The following PRR5 variants were observed in gnomAD, a reference collection of about 807,000 sequenced individuals.
The protein encoded by PRR5 is proline rich 5, also known as proline-rich protein 5.
PRR5 carries 25 observed loss-of-function variants against 30.6 expected under a neutral mutation model. The ratio of observed to expected loss-of-function variants is 0.82; its 90% confidence interval spans 0.60 to 1.14. The LOEUF (loss-of-function observed/expected upper bound fraction) is 1.14. Ranked by LOEUF, PRR5 falls within the 50% of genes most tolerant of loss-of-function variation. PRR5 has a pLI of 0.00. For synonymous variants in PRR5, 286 were observed against 247.1 expected, an observed-to-expected ratio of 1.16 and a Z score of -1.48; for missense variants, 600 against 547.1, an observed-to-expected ratio of 1.10 and a Z score of -0.96.
intron 4 of PRR5, chr22:44,729,427 G>T (rs950543721): frequency 1.0e-6 from 1 of 985,216 alleles, no homozygotes; most frequent in African/African-American, 1.7e-5. Context: ...CTACTGCGGG[G>T]CCGCTCGCCT....
chr22:44,730,909 T>C (rs770874582), intron 4 of PRR5: 3 of 459,568 alleles, frequency 6.5e-6, no homozygotes, highest in Admixed American at 4.8e-5. Context: ...GCCCTTATGA[T>C]CCTGCTCAGT....
intron 4 of PRR5, among the ~76,000 whole-genome samples, chr22:44,727,902 T>C (rs1281740894): frequency 6.6e-6 from 1 of 152,224 alleles, no homozygotes; most frequent in East Asian, 1.9e-4. Context: ...CTGGGAAGGC[T>C]TCCTGGAGGA....
At chr22:44,696,190 C>G (rs766680195) in intron 1 of PRR5, among the ~76,000 whole-genome samples, 1 of 152,114 alleles carries the variant, frequency 6.6e-6, no homozygotes, top group African/African-American at 2.4e-5. Context: ...TCCCAAAGTG[C>G]TGGCATAACA....
At chr22:44,706,603 C>T (rs1457816957) in intron 1 of PRR5, among the ~76,000 whole-genome samples, 4 of 152,216 alleles carry the variant, frequency 2.6e-5, no homozygotes, top group African/African-American at 9.6e-5. Flanking sequence ...AATCATGGCT[C>T]AGGCAGCCTT....
chr22:44,737,286 C>T lies in PRR5; in HGVS notation c.*39C>T. On this transcript the variant is annotated 3_prime_UTR_variant, in exon 8 of 8. Coordinates refer to ENST00000336985, the MANE Select transcript of PRR5 (RefSeq NM_181333.4). ...GCCTTGAGTTTTTACTGACACGTCC[C>T]TGTGTGCGGGGGTGTCCATGTGGCG... The T allele has an allele frequency of 1.3e-6, 2 of 1,564,830 alleles. No individual in the cohort carries two copies. The highest frequency in any genetic ancestry group is 1.7e-6 in the Non-Finnish European group (2 of 1,151,998).
At position 44,714,688 on chromosome 22, in the gene PRR5, C is replaced by A; in HGVS notation, c.215+17C>A. The A allele has an allele frequency of 1.2e-6, 2 of 1,613,566 alleles. No individual in the cohort carries two copies. Among genetic ancestry groups the A allele is most frequent in the Non-Finnish European group, 1.7e-6 (2 of 1,179,860 alleles). Reference sequence around the variant, plus strand: ...GGGCGTCCGGTGAGTGCCTGTCCCACCTTGGTCCAGGGTCCTTGAGTGGCA... The same window carrying A: ...GGGCGTCCGGTGAGTGCCTGTCCCAACTTGGTCCAGGGTCCTTGAGTGGCA... On this transcript the variant is annotated intron_variant, in intron 2 of 7. Coordinates refer to ENST00000336985, the MANE Select transcript of PRR5 (RefSeq NM_181333.4).
upstream of PRR5, among the ~76,000 whole-genome samples, chr22:44,698,711 C>T (rs776634167): frequency 1.5e-4 from 23 of 152,212 alleles, no homozygotes; most frequent in African/African-American, 5.1e-4. Flanking sequence ...TGCTTCAGGG[C>T]GGCCAGAATC....
intron 3 of PRR5, among the ~76,000 whole-genome samples, chr22:44,725,791 A>G (rs1325988409): frequency 1.3e-5 from 2 of 152,160 alleles, no homozygotes; most frequent in African/African-American, 4.8e-5. Context: ...CAGCCTCCCC[A>G]GGAGCTGGGA....
chr22:44,680,709 C>T (rs9626516), intron 1 of PRR5, among the ~76,000 whole-genome samples: 27,703 of 152,076 alleles, frequency 0.18, 2,890 homozygotes, highest in East Asian at 0.38. Flanking sequence ...GAGTAGGGGA[C>T]GGACATCTGG....
At chr22:44,711,787 C>T (rs952545087) in intron 1 of PRR5, among the ~76,000 whole-genome samples, 9 of 152,102 alleles carry the variant, frequency 5.9e-5, no homozygotes, top group Non-Finnish European at 7.4e-5. Context: ...TACCTCCACT[C>T]GCCATATCCC....
At chr22:44,668,847 G>C (rs996522877) in intron 1 of PRR5, 12 of 149,450 alleles carry the variant, frequency 8.0e-5, no homozygotes, top group African/African-American at 2.9e-4. Context: ...CCGGAGAGGG[G>C]ACCGGGTGGC....
chr22:44,703,142 T>C (rs1926625290), intron 1 of PRR5, among the ~76,000 whole-genome samples: 1 of 152,090 alleles, frequency 6.6e-6, no homozygotes, highest in East Asian at 1.9e-4. Flanking sequence ...AGGACTCTCC[T>C]CCAGGGGTCA....
In PRR5 at chr22:44,732,814, T is replaced by C. The variant is rs1469343099; in HGVS notation, c.555+423T>C. Among the ~76,000 whole-genome samples, 3 of 126,376 alleles carry C rather than the reference T, an allele frequency of 2.4e-5. 1 individual carries two copies. In the East Asian group the frequency reaches 6.9e-4, roughly 29 times the overall value. The allele number at this position is 126,376 out of a possible 152,430, so 82.9% of individuals were successfully genotyped here. A position where few individuals can be genotyped will look rare whatever the true frequency, so the allele number is the denominator to read the frequency against. ...ACTACATGTGCACACGCATACACAC[T>C]ACACGTGTGCACGCACATACTACAC... On this transcript the variant is annotated intron_variant, in intron 6 of 7. Transcript: ENST00000336985.
chr22:44,722,169 G>A (rs1359925060), intron 2 of PRR5, among the ~76,000 whole-genome samples: 2 of 152,200 alleles, frequency 1.3e-5, no homozygotes, highest in African/African-American at 4.8e-5. Flanking sequence ...CAAGGGAGGA[G>A]GTTGGGCCTC....
At chr22:44,719,243 C>G (rs1389933656) in intron 2 of PRR5, among the ~76,000 whole-genome samples, 1 of 130,118 alleles carries the variant, frequency 7.7e-6, no homozygotes, top group East Asian at 2.2e-4. Flanking sequence ...CCAAGCCTAG[C>G]TAATTTTTTT....
At position 44,737,412 on chromosome 22, in the gene PRR5, C is replaced by T. The variant is rs527374323; in HGVS notation, c.*165C>T. On this transcript the variant is annotated 3_prime_UTR_variant, in exon 8 of 8. Transcript: ENST00000336985. Reference sequence around the variant, plus strand: ...TGTATTTCTGTCTTGGTTGGAAATACCATCAGCCTTCCTTGCTCGGCCCAG... The same window carrying T: ...TGTATTTCTGTCTTGGTTGGAAATATCATCAGCCTTCCTTGCTCGGCCCAG... The T allele has an allele frequency of 7.5e-7, 1 of 1,338,618 alleles. No homozygotes were observed. The highest frequency in any genetic ancestry group is 9.8e-7 in the Non-Finnish European group (1 of 1,015,882). The allele number at this position is 1,338,618 out of a possible 1,614,324, so 82.9% of individuals were successfully genotyped here.
At chr22:44,719,980 C>G (rs1045881204) in intron 2 of PRR5, among the ~76,000 whole-genome samples, 2 of 152,228 alleles carry the variant, frequency 1.3e-5, no homozygotes, top group South Asian at 2.1e-4. Context: ...GCTGTCCCCT[C>G]TGTGGCCTGC....
chr22:44,676,431 G>A (rs1318128801), upstream of PRR5, among the ~76,000 whole-genome samples: 14 of 144,310 alleles, frequency 9.7e-5, no homozygotes, highest in South Asian at 3.0e-3. Context: ...AAAGAAAAGA[G>A]AAGAGAAGAA....
upstream of PRR5, among the ~76,000 whole-genome samples, chr22:44,672,580 C>A (rs924226224): frequency 1.3e-5 from 2 of 152,082 alleles, no homozygotes; most frequent in Non-Finnish European, 2.9e-5. Flanking sequence ...AGCGAGACAC[C>A]GTCTCTAAAT....
Sources: allele counts gnomAD v4.1 joint callset (sites outside exome capture counted in the v4.1 genomes callset), GRCh38; gene constraint gnomAD v4.1.1; transcripts MANE v1.5; gene names NCBI Gene and HGNC (gene_info 2026-07-23, HGNC 2026-07-21).